CPPED1: variants seen among roughly 807,000 people sequenced by gnomAD.
CPPED1 encodes the protein calcineurin like phosphoesterase domain containing 1.
CPPED1 carries 28 observed loss-of-function variants against 28.0 expected under a neutral mutation model. That is an observed-to-expected ratio of 1.00 (90% CI 0.74 to 1.37). CPPED1 has a LOEUF of 1.37. CPPED1 is among the 40% of genes most tolerant of loss of function. The pLI is 0.00. For missense variants in CPPED1, 504 were observed against 416.5 expected, an observed-to-expected ratio of 1.21 and a Z score of -1.83; for synonymous variants, 198 against 180.2, an observed-to-expected ratio of 1.10 and a Z score of -0.79.
chr16:12,734,829 C>T (rs2080218755), intron 2 of CPPED1, among the ~76,000 whole-genome samples: 1 of 152,106 alleles, frequency 6.6e-6, no homozygotes, highest in Non-Finnish European at 1.5e-5. Flanking sequence ...TCAGGACTTG[C>T]ACCCCACAAA....
intron 3 of CPPED1, among the ~76,000 whole-genome samples, chr16:12,700,659 T>C (rs1181158513): frequency 6.6e-6 from 1 of 152,228 alleles, no homozygotes; most frequent in Non-Finnish European, 1.5e-5. Context: ...CCCAAAGTGC[T>C]AGGATTACAG....
At chr16:12,751,569 T>C (rs1198147173) in intron 2 of CPPED1, among the ~76,000 whole-genome samples, 2 of 152,166 alleles carry the variant, frequency 1.3e-5, no homozygotes, top group Non-Finnish European at 1.5e-5. Flanking sequence ...AGCCATACCC[T>C]AAAGATGAAG....
intron 2 of CPPED1, among the ~76,000 whole-genome samples, chr16:12,749,548 T>G (rs561413235): frequency 1.4e-3 from 209 of 152,216 alleles, no homozygotes; most frequent in Non-Finnish European, 2.6e-3. Flanking sequence ...TCCAAACTCC[T>G]GTTAATGTTA....
In CPPED1 at chr16:12,699,838, C is replaced by T. The variant is rs551417503; in HGVS notation, c.715+4786G>A. 1.1e-4 allele frequency among the ~76,000 whole-genome samples: 16 copies of T among 152,236 alleles called. No individual in the cohort carries two copies. In the South Asian group the frequency reaches 2.5e-3, roughly 24 times the overall value. On this transcript the variant is annotated intron_variant, in intron 3 of 3. Coordinates refer to ENST00000381774, the MANE Select transcript of CPPED1 (RefSeq NM_018340.3). ...GGCAATATTAAATACCAGCTGCCAT[C>T]GTCACCCCCAATTTTATCCCAGCCT...
chr16:12,696,940 A>G (rs374392950), intron 3 of CPPED1, among the ~76,000 whole-genome samples: 17 of 152,174 alleles, frequency 1.1e-4, no homozygotes, highest in African/African-American at 3.6e-4. Context: ...ACCGGCCCAG[A>G]CGCTAATTCC....
intron 2 of CPPED1, among the ~76,000 whole-genome samples, chr16:12,746,952 G>A (rs1182860001): frequency 6.6e-6 from 1 of 151,578 alleles, no homozygotes; most frequent in East Asian, 1.9e-4. Context: ...TAATCTAAAA[G>A]AAGTGAGGAA....
At chr16:12,719,390 CAAAAA>C (rs746297859) in intron 2 of CPPED1, among the ~76,000 whole-genome samples, 2 of 90,512 alleles carry the variant, frequency 2.2e-5, no homozygotes. Flanking sequence ...GACTGCGTCT[CAAAAA>C]AAAAAAAAAA....
chr16:12,703,272 A>G (rs2080029982), intron 3 of CPPED1, among the ~76,000 whole-genome samples: 1 of 152,128 alleles, frequency 6.6e-6, no homozygotes, highest in Admixed American at 6.5e-5. Flanking sequence ...ATGTGAGCTT[A>G]TTGCAAAATG....
At chr16:12,800,063 C>T (rs1224755163) in intron 1 of CPPED1, among the ~76,000 whole-genome samples, 1 of 152,192 alleles carries the variant, frequency 6.6e-6, no homozygotes, top group East Asian at 1.9e-4. Flanking sequence ...GCCTAGGAAG[C>T]TACTATACCT....
chr16:12,727,503 C>T (rs1391918202), intron 2 of CPPED1, among the ~76,000 whole-genome samples: 4 of 152,118 alleles, frequency 2.6e-5, no homozygotes, highest in African/African-American at 9.7e-5. Context: ...CAGGCGTATA[C>T]CACCACATCT....
intron 2 of CPPED1, chr16:12,745,894 T>C (rs1280031480): frequency 6.6e-6 from 1 of 152,154 alleles, no homozygotes. Flanking sequence ...CCAAGGCATA[T>C]TATAATCAAA....
rs934105031 is a variant in CPPED1 at position 12,781,195 on chromosome 16, G to A, written c.279C>T (p.His93=). 3.1e-6 allele frequency: 5 copies of A among 1,612,648 alleles called. No homozygotes were observed. In the African/African-American group the frequency reaches 4.0e-5, roughly 13 times the overall value. Residue 93 remains histidine (H), a synonymous_variant, in exon 2 of 4, where the codon CAC becomes CAT. Coordinates refer to ENST00000381774, the MANE Select transcript of CPPED1 (RefSeq NM_018340.3). ...TGACCCGAGTCTTACCTGGCATGGC[G>A]TGGATGAGGTCGCCGCACAGAACGA... ...KFFVLCGDLI[H]AMPGKPWRTE... is the part of the protein sequence containing the mutation.
At position 12,788,905 on chromosome 16, in the gene CPPED1, T is replaced by C. The variant is rs578135181; in HGVS notation, c.71-7502A>G. ...GTCCCTGCCAATAGCACAGGGTTGA[T>C]TTGAGGCACAGGCGGGGACCCAGAC... On this transcript the variant is annotated intron_variant, in intron 1 of 3. Transcript: ENST00000381774. Among the ~76,000 whole-genome samples the C allele has an allele frequency of 2.0e-5, 3 of 152,294 alleles. No homozygotes were observed. The South Asian group carries it at 6.2e-4, about 32-fold the overall frequency.
intron 3 of CPPED1, among the ~76,000 whole-genome samples, chr16:12,683,462 A>T (rs1182848142): frequency 6.6e-6 from 1 of 152,054 alleles, no homozygotes; most frequent in Non-Finnish European, 1.5e-5. Flanking sequence ...CCTGCCAAAA[A>T]TTCAGAATCA....
chr16:12,790,332 T>G (rs532058576), intron 1 of CPPED1, among the ~76,000 whole-genome samples: 6 of 152,376 alleles, frequency 3.9e-5, no homozygotes, highest in Non-Finnish European at 7.3e-5. Flanking sequence ...TTGTCAATGT[T>G]AATGAAAGCT....
chr16:12,676,110 C>T (rs2079876392), intron 3 of CPPED1, among the ~76,000 whole-genome samples: 1 of 152,198 alleles, frequency 6.6e-6, no homozygotes, highest in South Asian at 2.1e-4. Flanking sequence ...AGCATATTTG[C>T]TCACTCTCAT....
At chr16:12,779,660 A>T (rs1343098884) in intron 2 of CPPED1, among the ~76,000 whole-genome samples, 1 of 151,966 alleles carries the variant, frequency 6.6e-6, no homozygotes, top group African/African-American at 2.4e-5. Flanking sequence ...AAAGCACATA[A>T]GCCACCGCGC....
intron 2 of CPPED1, among the ~76,000 whole-genome samples, chr16:12,734,336 C>T (rs1056951994): frequency 4.0e-5 from 6 of 151,726 alleles, no homozygotes; most frequent in African/African-American, 1.5e-4. Context: ...TCCTGAAGTG[C>T]TGGAATTACA....
At chr16:12,765,843 C>T (rs1289046205) in intron 2 of CPPED1, among the ~76,000 whole-genome samples, 2 of 152,276 alleles carry the variant, frequency 1.3e-5, no homozygotes, top group Middle Eastern at 3.4e-3. Context: ...ATTTTCCAAC[C>T]TCTCATTATT....
Sources: allele counts gnomAD v4.1 joint callset (sites outside exome capture counted in the v4.1 genomes callset), GRCh38; gene constraint gnomAD v4.1.1; transcripts MANE v1.5; gene names NCBI Gene and HGNC (gene_info 2026-07-23, HGNC 2026-07-21).